TUSC3: variants seen among roughly 807,000 people sequenced by gnomAD.
The protein encoded by TUSC3 is dolichyl-diphosphooligosaccharide--protein glycosyltransferase subunit TUSC3.
TUSC3 carries 45 observed loss-of-function variants against 44.8 expected under a neutral mutation model. That is an observed-to-expected ratio of 1.00 (90% CI 0.79 to 1.29). The LOEUF is 1.29. TUSC3 is among the 50% of genes most tolerant of loss of function. The probability of loss-of-function intolerance (pLI) is 0.00; values close to 1 mark genes in which losing one functional copy is unlikely to be tolerated. For missense variants in TUSC3, 519 were observed against 437.9 expected (o/e 1.19, Z -1.65); for synonymous variants, 212 against 152.9 (o/e 1.39, Z -2.85).
In TUSC3 at chr8:15,724,769, G is replaced by T. The variant is rs1188475206; in HGVS notation, c.799-5897G>T. 2.6e-5 allele frequency among the ~76,000 whole-genome samples: 4 copies of T among 152,246 alleles called. No homozygotes were observed. The East Asian group carries it at 7.7e-4, about 29-fold the overall frequency. ...TACTTTTTCATGATGTTTTCAAGGA[G>T]GGTGAAAGAAAATAGATGGGAAAAG... On this transcript the variant is annotated intron_variant, in intron 6 of 10. Transcript: ENST00000503731.
At chr8:15,466,794 C>G (rs1416573825) in intron 1 of TUSC3, among the ~76,000 whole-genome samples, 1 of 152,014 alleles carries the variant, frequency 6.6e-6, no homozygotes, top group Non-Finnish European at 1.5e-5. Context: ...TTCTGATTTT[C>G]CTCCATGGGC....
At chr8:15,482,745 G>A (rs1282128418) in intron 1 of TUSC3, among the ~76,000 whole-genome samples, 1 of 152,108 alleles carries the variant, frequency 6.6e-6, no homozygotes, top group Non-Finnish European at 1.5e-5. Flanking sequence ...TGTATGTACA[G>A]AATAATAGCA....
chr8:15,437,244 C>T (rs1036839105), intron 1 of TUSC3, among the ~76,000 whole-genome samples: 1 of 152,086 alleles, frequency 6.6e-6, no homozygotes, highest in Non-Finnish European at 1.5e-5. Context: ...ATGGGCAAAA[C>T]TTTTCCAGCA....
At chr8:15,441,937 G>A (rs1800025948) in intron 1 of TUSC3, among the ~76,000 whole-genome samples, 1 of 152,066 alleles carries the variant, frequency 6.6e-6, no homozygotes, top group African/African-American at 2.4e-5. Context: ...AAGTCCCCAG[G>A]AGAAACTCCT....
intron 1 of TUSC3, among the ~76,000 whole-genome samples, chr8:15,446,971 C>A (rs1035852703): frequency 3.3e-5 from 5 of 150,508 alleles, no homozygotes; most frequent in Non-Finnish European, 7.4e-5. Flanking sequence ...TTCACACACC[C>A]AATGAAGAAT....
intron 1 of TUSC3, among the ~76,000 whole-genome samples, chr8:15,427,467 G>C (rs1209318324): frequency 6.6e-6 from 1 of 152,076 alleles, no homozygotes; most frequent in Non-Finnish European, 1.5e-5. Context: ...CAGCATCCCA[G>C]TAAGATCTCA....
At chr8:15,498,293 C>G (rs1319891740) in intron 2 of TUSC3, among the ~76,000 whole-genome samples, 1 of 152,142 alleles carries the variant, frequency 6.6e-6, no homozygotes, top group African/African-American at 2.4e-5. Context: ...AGTGGAGTTT[C>G]TGGAAGCTCT....
intron 2 of TUSC3, among the ~76,000 whole-genome samples, chr8:15,523,176 T>C (rs1801321046): frequency 6.6e-6 from 1 of 152,166 alleles, no homozygotes; most frequent in Non-Finnish European, 1.5e-5. Flanking sequence ...AATGGTTGCA[T>C]GATGGCATTA....
At chr8:15,826,506 C>A in the TUSC3 span, among the ~76,000 whole-genome samples, 1 of 152,108 alleles carries the variant, frequency 6.6e-6, no homozygotes, top group African/African-American at 2.4e-5. Flanking sequence ...CACTACTCAC[C>A]TATATAGGGG....
chr8:15,792,509 T>G, the TUSC3 span, among the ~76,000 whole-genome samples: 3 of 152,328 alleles, frequency 2.0e-5, no homozygotes, highest in Non-Finnish European at 4.4e-5. Context: ...AAGTCTCATA[T>G]GAAATTCATG....
the TUSC3 span, among the ~76,000 whole-genome samples, chr8:15,794,197 G>C: frequency 6.6e-6 from 1 of 152,154 alleles, no homozygotes; most frequent in Admixed American, 6.5e-5. Context: ...TTGGGCCTTT[G>C]AGAAACACTC....
chr8:15,610,264 C>G (rs1246684869), intron 1 of TUSC3, among the ~76,000 whole-genome samples: 1 of 152,038 alleles, frequency 6.6e-6, no homozygotes. Context: ...CCACAAGTAT[C>G]AAATGCAAAA....
At chr8:15,711,897 C>T (rs527474201) in intron 6 of TUSC3, among the ~76,000 whole-genome samples, 80 of 151,852 alleles carry the variant, frequency 5.3e-4, no homozygotes, top group African/African-American at 1.6e-3. Context: ...TTGATCGTCA[C>T]GTTTTTACTA....
At chr8:15,476,176 G>T (rs528835794) in intron 1 of TUSC3, among the ~76,000 whole-genome samples, 1 of 152,144 alleles carries the variant, frequency 6.6e-6, no homozygotes, top group African/African-American at 2.4e-5. Flanking sequence ...TGTAAGAGAA[G>T]AATCCGTTTA....
At chr8:15,847,702 T>C in the TUSC3 span, among the ~76,000 whole-genome samples, 1 of 152,160 alleles carries the variant, frequency 6.6e-6, no homozygotes, top group African/African-American at 2.4e-5. Context: ...TTCATGGTAG[T>C]AAAACTCCGA....
In TUSC3 at chr8:15,570,954, G is replaced by GTTTTTTTTTT. The variant is rs549277334; in HGVS notation, c.138+30397_138+30406dup. ...TTGCTTTCTATTCCATTGCCTATTA[G>GTTTTTTTTTT]TTTTTTTTTTTTTTTTTTTTGAGAT... On this transcript the variant is annotated intron_variant, in intron 1 of 10. Coordinates refer to ENST00000503731, the MANE Select transcript of TUSC3 (RefSeq NM_006765.4). Among the ~76,000 whole-genome samples the GTTTTTTTTTT allele has an allele frequency of 1.1e-3, 50 of 44,484 alleles. 12 individuals carry two copies. Among genetic ancestry groups the GTTTTTTTTTT allele is most frequent in the South Asian group, 6.1e-3 (8 of 1,322 alleles). The allele number at this position is 44,484 out of a possible 152,430, so 29.2% of individuals were successfully genotyped here.
the TUSC3 span, among the ~76,000 whole-genome samples, chr8:15,846,438 C>T: frequency 6.6e-6 from 1 of 152,070 alleles, no homozygotes; most frequent in Non-Finnish European, 1.5e-5. Context: ...TATTGCAGCA[C>T]TATTCACAAT....
chr8:15,727,929 AAC>A (rs755654122), intron 6 of TUSC3, among the ~76,000 whole-genome samples: 1 of 152,196 alleles, frequency 6.6e-6, no homozygotes, highest in Non-Finnish European at 1.5e-5. Context: ...TGTTCATAAT[AAC>A]ACAGTTAGTA....
chr8:15,776,083 A>T, the TUSC3 span, among the ~76,000 whole-genome samples: 1 of 152,058 alleles, frequency 6.6e-6, no homozygotes, highest in African/African-American at 2.4e-5. Context: ...CTCTATGATA[A>T]AGCACTGGCA....
Sources: allele counts gnomAD v4.1 joint callset (sites outside exome capture counted in the v4.1 genomes callset), GRCh38; gene constraint gnomAD v4.1.1; transcripts MANE v1.5; gene names NCBI Gene and HGNC (gene_info 2026-07-23, HGNC 2026-07-21).